Variants in CSMD1 observed in about 807,000 individuals in gnomAD.
CSMD1 encodes CUB and Sushi multiple domains 1.
In CSMD1, 213 loss-of-function variants were observed where a neutral mutation model predicts 417.5. The observed-to-expected ratio is 0.51, with a 90% confidence interval of 0.46 to 0.57. The LOEUF is 0.57. CSMD1 is among the 20% of genes least tolerant of loss of function. The pLI is 0.00. For missense variants in CSMD1, 6,923 were observed against 4,529.7 expected (o/e 1.53, Z -15.17); for synonymous variants, 2,862 against 1,736.8 (o/e 1.65, Z -16.11).
At position 3,108,659 on chromosome 8, in the gene CSMD1, A is replaced by T. The variant is rs770968031; in HGVS notation, c.6698T>A (p.Leu2233Gln). 2 of 1,613,826 alleles carry T rather than the reference A, an allele frequency of 1.2e-6. No individual in the cohort carries two copies. Among genetic ancestry groups the T allele is most frequent in the Non-Finnish European group, 1.7e-6 (2 of 1,179,852 alleles). The change falls in exon 44 of 70, where the codon CTG becomes CAG. Residue 2233 changes from leucine to glutamine, a missense_variant. By Grantham distance (113) the Leu-to-Gln change is moderately radical. Transcript: ENST00000635120. ...TGAAAAGTCGCTGTGGAACTTGAGC[A>T]GGACTTGGTTGGTGGAGCTATACGC... ...ETAYSSTNQV[L>Q]LKFHSDFSNG...
At chr8:3,790,060 A>G (rs17067566) in intron 5 of CSMD1, among the ~76,000 whole-genome samples, 3 of 152,188 alleles carry the variant, frequency 2.0e-5, no homozygotes, top group Non-Finnish European at 4.4e-5. Context: ...GTAAGAAATT[A>G]GAGAATGTCA....
intron 2 of CSMD1, among the ~76,000 whole-genome samples, chr8:4,425,122 A>G (rs1161465785): frequency 1.3e-5 from 2 of 152,218 alleles, no homozygotes; most frequent in Non-Finnish European, 2.9e-5. Context: ...ATAATGTGAT[A>G]GCACTTAATT....
At chr8:4,096,154 G>C (rs1011165308) in intron 3 of CSMD1, among the ~76,000 whole-genome samples, 1 of 152,068 alleles carries the variant, frequency 6.6e-6, no homozygotes, top group Non-Finnish European at 1.5e-5. Flanking sequence ...TAATAGGTGA[G>C]GGCTGACTAA....
At chr8:4,211,789 T>G (rs925255813) in intron 3 of CSMD1, among the ~76,000 whole-genome samples, 1 of 152,208 alleles carries the variant, frequency 6.6e-6, no homozygotes, top group Non-Finnish European at 1.5e-5. Context: ...TCAAACTGTT[T>G]TTACATACTT....
intron 5 of CSMD1, among the ~76,000 whole-genome samples, chr8:3,773,830 C>T (rs1798751288): frequency 6.6e-6 from 1 of 152,106 alleles, no homozygotes; most frequent in South Asian, 2.1e-4. Context: ...GTCGTTTTCA[C>T]TCACTTTCCC....
At position 3,586,259 on chromosome 8, in the gene CSMD1, C is replaced by A. The variant is rs1294174714; in HGVS notation, c.1099G>T (p.Val367Phe). The A allele has an allele frequency of 1.9e-6, 3 of 1,559,092 alleles. No individual in the cohort carries two copies. Among genetic ancestry groups the A allele is most frequent in the Admixed American group, 4.2e-5 (2 of 47,174 alleles). Reference sequence around the variant, plus strand: ...CATGAAAACTGTACATTTGCACCAACCCTAAGCCGTTAAAAAAGAAAAAAA... The same window carrying A: ...CATGAAAACTGTACATTTGCACCAAACCTAAGCCGTTAAAAAAGAAAAAAA... ...NGRRAGSDFR[V>F]GANVQFSCED... Residue 367 changes from valine to phenylalanine, a missense_variant and splice_region_variant, in exon 9 of 70, where the codon GTT becomes TTT. Coordinates refer to ENST00000635120, the MANE Select transcript of CSMD1 (RefSeq NM_033225.6).
intron 2 of CSMD1, among the ~76,000 whole-genome samples, chr8:4,498,632 T>C (rs762699956): frequency 6.6e-6 from 1 of 152,162 alleles, no homozygotes; most frequent in African/African-American, 2.4e-5. Flanking sequence ...TAAAATAAAG[T>C]TACTTCTTTC....
intron 12 of CSMD1, among the ~76,000 whole-genome samples, chr8:3,429,090 T>C (rs533144200): frequency 1.8e-4 from 28 of 152,210 alleles, no homozygotes; most frequent in African/African-American, 5.5e-4. Context: ...GGGTCTCAGG[T>C]AGAAGTAAGA....
chr8:4,776,460 G>A (rs540653742), intron 1 of CSMD1, among the ~76,000 whole-genome samples: 20 of 152,168 alleles, frequency 1.3e-4, no homozygotes, highest in Non-Finnish European at 1.9e-4. Context: ...GCAGCACTCG[G>A]GCTCAGAGAA....
At chr8:3,419,495 T>A (rs572822495) in intron 12 of CSMD1, among the ~76,000 whole-genome samples, 31 of 152,352 alleles carry the variant, frequency 2.0e-4, no homozygotes, top group South Asian at 8.3e-4. Context: ...CACTGATTTT[T>A]AATAAAAACT....
At chr8:3,656,931 A>G (rs1351592141) in intron 7 of CSMD1, among the ~76,000 whole-genome samples, 1 of 151,776 alleles carries the variant, frequency 6.6e-6, no homozygotes, top group African/African-American at 2.4e-5. Flanking sequence ...TCTAAAAAAA[A>G]AAAAAGCCTT....
chr8:4,222,233 A>C (rs1456615690), intron 3 of CSMD1, among the ~76,000 whole-genome samples: 1 of 152,186 alleles, frequency 6.6e-6, no homozygotes, highest in Admixed American at 6.5e-5. Flanking sequence ...TAACACGCAG[A>C]AAGTTATGAT....
intron 1 of CSMD1, among the ~76,000 whole-genome samples, chr8:4,665,473 T>C (rs1379430268): frequency 6.6e-6 from 1 of 152,132 alleles, no homozygotes; most frequent in Non-Finnish European, 1.5e-5. Flanking sequence ...CACACAAGCA[T>C]TCCCAGCACA....
intron 2 of CSMD1, among the ~76,000 whole-genome samples, chr8:4,449,258 G>T (rs563339622): frequency 1.3e-5 from 2 of 152,126 alleles, no homozygotes; most frequent in Non-Finnish European, 2.9e-5. Context: ...CACTCAGGTT[G>T]TAACTATTGA....
At chr8:4,062,543 A>G (rs967019636) in intron 3 of CSMD1, among the ~76,000 whole-genome samples, 1 of 152,196 alleles carries the variant, frequency 6.6e-6, no homozygotes, top group African/African-American at 2.4e-5. Context: ...TGGCATTGAC[A>G]TGAACAACAT....
chr8:3,243,302 C>T (rs983634796), intron 26 of CSMD1, among the ~76,000 whole-genome samples: 3 of 152,112 alleles, frequency 2.0e-5, no homozygotes, highest in Non-Finnish European at 2.9e-5. Flanking sequence ...TCCCCCGATC[C>T]GAGTCACAGC....
intron 1 of CSMD1, among the ~76,000 whole-genome samples, chr8:4,685,523 T>G (rs1260344477): frequency 6.6e-6 from 1 of 151,334 alleles, no homozygotes; most frequent in East Asian, 1.9e-4. Context: ...TTGCAGTGAG[T>G]CGAGATCACA....
chr8:3,356,676 A>C (rs2053749), intron 21 of CSMD1, among the ~76,000 whole-genome samples: 56,915 of 151,950 alleles, frequency 0.37, 10,766 homozygotes, highest in Middle Eastern at 0.5. Flanking sequence ...ACTCCATCTC[A>C]AAACAAAACA....
Position 3,138,832 on chromosome 8 carries a change from T to C in CSMD1, c.6241+3633A>G, listed in dbSNP as rs139514568. 7.7e-3 allele frequency among the ~76,000 whole-genome samples: 1,167 copies of C among 152,282 alleles called. 14 individuals carry two copies. The highest frequency in any genetic ancestry group is 0.026 in the African/African-American group (1,081 of 41,566). On this transcript the variant is annotated intron_variant, in intron 41 of 69. Coordinates refer to ENST00000635120, the MANE Select transcript of CSMD1 (RefSeq NM_033225.6). ...GAGAGACAGCAGATCCTTATAGATG[T>C]TGAACGATTTCCTGAAAATCTAAGA...
Sources: gnomAD v4.1 joint callset for allele counts (sites outside exome capture counted in the v4.1 genomes callset) on GRCh38, gnomAD v4.1.1 for gene constraint, MANE v1.5 for transcripts, NCBI Gene and HGNC (gene_info 2026-07-23, HGNC 2026-07-21) for gene names.